Variants in MBOAT2 observed in about 807,000 individuals in gnomAD.
MBOAT2 encodes membrane bound glycerophospholipid O-acyltransferase 2.
A neutral mutation model predicts 63.4 loss-of-function variants in MBOAT2; 28 were observed. The observed-to-expected ratio is 0.44, with a 90% CI of 0.33 to 0.61. The LOEUF (loss-of-function observed/expected upper bound fraction) is 0.61, where lower values mean the gene tolerates loss of function less well. MBOAT2 is among the 20% of genes least tolerant of loss of function. The probability of loss-of-function intolerance (pLI) is 0.03; values close to 1 mark genes in which losing one functional copy is unlikely to be tolerated. For synonymous variants in MBOAT2, 211 were observed against 215.6 expected (o/e 0.98, Z 0.19); for missense variants, 470 against 605.8 (o/e 0.78, Z 2.35).
At chr2:8,940,416 C>T (rs1667969972) in intron 3 of MBOAT2, among the ~76,000 whole-genome samples, 1 of 152,028 alleles carries the variant, frequency 6.6e-6, no homozygotes, top group South Asian at 2.1e-4. Flanking sequence ...CTCAAGCTCC[C>T]GAGTAGCTGG....
intron 6 of MBOAT2, among the ~76,000 whole-genome samples, chr2:8,880,028 G>A (rs1487585615): frequency 6.6e-6 from 1 of 152,056 alleles, no homozygotes; most frequent in African/African-American, 2.4e-5. Flanking sequence ...TAATGCTGTG[G>A]TCAGGGGTTT....
intron 1 of MBOAT2, among the ~76,000 whole-genome samples, chr2:8,999,108 C>G (rs1672511441): frequency 6.6e-6 from 1 of 152,166 alleles, no homozygotes; most frequent in South Asian, 2.1e-4. Context: ...CCGTCCAAAC[C>G]TTTCAAAAGA....
intron 8 of MBOAT2, among the ~76,000 whole-genome samples, chr2:8,869,569 T>C (rs924356733): frequency 6.6e-6 from 1 of 152,182 alleles, no homozygotes; most frequent in Non-Finnish European, 1.5e-5. Context: ...CTTAAATTGT[T>C]TTATTGTTTA....
At chr2:8,957,183 C>A (rs1222492164) in intron 2 of MBOAT2, among the ~76,000 whole-genome samples, 1 of 152,124 alleles carries the variant, frequency 6.6e-6, no homozygotes, top group Non-Finnish European at 1.5e-5. Context: ...CATATGAGGG[C>A]TCACTATATT....
chr2:8,862,533 C>G lies in MBOAT2; in HGVS notation c.1185+57G>C. On this transcript the variant is annotated intron_variant, in intron 11 of 12. Transcript: ENST00000305997. This position sits in a 1 kb window ranked among gnomAD's most constrained non-coding sequence, Gnocchi z 4.3. ...TACCTTGTAAGAGAGATGTACTCAG[C>G]CTTTTTAACAGTTCAAGTGGACCAT... is the stretch of plus-strand genomic sequence containing the variant. 6.4e-7 allele frequency: 1 copy of G among 1,564,086 alleles called. No homozygotes were observed. The highest frequency in any genetic ancestry group is 8.7e-7 in the Non-Finnish European group (1 of 1,153,224).
At chr2:8,986,989 T>C (rs1183539710) in intron 1 of MBOAT2, among the ~76,000 whole-genome samples, 3 of 152,188 alleles carry the variant, frequency 2.0e-5, no homozygotes, top group Non-Finnish European at 2.9e-5. Context: ...TCTATGGTTT[T>C]TGTTATGACA....
intron 4 of MBOAT2, among the ~76,000 whole-genome samples, chr2:8,893,894 G>A (rs980854869): frequency 1.6e-4 from 24 of 152,152 alleles, no homozygotes; most frequent in Non-Finnish European, 3.5e-4. Context: ...AGGTGAGAGG[G>A]CACACATCAA....
At chr2:8,916,894 G>A (rs1202601504) in intron 3 of MBOAT2, among the ~76,000 whole-genome samples, 2 of 152,144 alleles carry the variant, frequency 1.3e-5, no homozygotes, top group Non-Finnish European at 2.9e-5. Context: ...TACATTACCT[G>A]ATTTCAAGAC....
chr2:8,869,750 G>T (rs1662177741), intron 8 of MBOAT2, among the ~76,000 whole-genome samples: 1 of 151,106 alleles, frequency 6.6e-6, no homozygotes, highest in African/African-American at 2.4e-5. Context: ...ATATTCAACA[G>T]AATTAAAAAT....
intron 8 of MBOAT2, among the ~76,000 whole-genome samples, chr2:8,869,015 T>G (rs1297641797): frequency 2.0e-5 from 3 of 152,188 alleles, no homozygotes; most frequent in Non-Finnish European, 2.9e-5. Flanking sequence ...TTTTCTTTCT[T>G]GGTTCACCAG....
intron 4 of MBOAT2, among the ~76,000 whole-genome samples, chr2:8,902,848 G>A (rs186737152): frequency 5.8e-4 from 88 of 152,314 alleles, no homozygotes; most frequent in African/African-American, 2.1e-3. Flanking sequence ...CCTTCACAGC[G>A]TGGAAGGGGA....
chr2:8,994,282 C>T (rs192629901), intron 1 of MBOAT2, among the ~76,000 whole-genome samples: 1 of 152,142 alleles, frequency 6.6e-6, no homozygotes, highest in Non-Finnish European at 1.5e-5. Context: ...GAGTAGAATA[C>T]AGTGAAAGCG....
At chr2:8,960,863 C>T (rs1310051683) in intron 1 of MBOAT2, among the ~76,000 whole-genome samples, 1 of 152,150 alleles carries the variant, frequency 6.6e-6, no homozygotes, top group Non-Finnish European at 1.5e-5. Context: ...GTGAGAAGCA[C>T]TCTGTTGGAC....
chr2:8,961,512 C>A (rs1669596450), intron 1 of MBOAT2, among the ~76,000 whole-genome samples: 1 of 152,096 alleles, frequency 6.6e-6, no homozygotes, highest in African/African-American at 2.4e-5. Context: ...ATGCACAGGG[C>A]CATCCACAGG....
chr2:8,865,976 G>A (rs1386769998), intron 9 of MBOAT2, among the ~76,000 whole-genome samples: 2 of 152,176 alleles, frequency 1.3e-5, no homozygotes, highest in Non-Finnish European at 2.9e-5. Context: ...GGCAGAGGTT[G>A]CAGTGAACCG....
intron 8 of MBOAT2, among the ~76,000 whole-genome samples, chr2:8,869,394 T>C (rs1196863875): frequency 6.6e-6 from 1 of 152,150 alleles, no homozygotes; most frequent in Non-Finnish European, 1.5e-5. Flanking sequence ...AATTAGTTAT[T>C]TTTGCTTTAT....
At chr2:8,968,593 G>C (rs945096610) in intron 1 of MBOAT2, among the ~76,000 whole-genome samples, 3 of 152,188 alleles carry the variant, frequency 2.0e-5, no homozygotes, top group African/African-American at 7.2e-5. Flanking sequence ...GCTAAAGGAG[G>C]AAGTTTGAAC....
chr2:8,863,429 A>T (rs1218851901), intron 10 of MBOAT2, among the ~76,000 whole-genome samples: 1 of 152,160 alleles, frequency 6.6e-6, no homozygotes, highest in Non-Finnish European at 1.5e-5. Context: ...GCTCACAGGG[A>T]CGATAAGAGA....
At position 8,943,228 on chromosome 2, in the gene MBOAT2, G is replaced by T; in HGVS notation, c.258C>A (p.Ser86=). 1 of 1,586,346 alleles carries T rather than the reference G, an allele frequency of 6.3e-7. No homozygotes were observed. Among genetic ancestry groups the T allele is most frequent in the Admixed American group, 1.7e-5 (1 of 58,622 alleles). The change falls in exon 3 of 13, where the codon TCC becomes TCA. Residue 86 remains serine, a synonymous_variant. Coordinates refer to ENST00000305997, the MANE Select transcript of MBOAT2 (RefSeq NM_138799.4). ...ALHFLVQSGI[S]YCIMIIIGVE... The stretch of plus-strand genomic sequence containing the variant: ...CTCCTATGATGATCATGATACAGTA[G>T]GAAATTCCACTTTGTACAAGAAAGT...
Sources: gnomAD v4.1 joint callset for allele counts (sites outside exome capture counted in the v4.1 genomes callset) on GRCh38, gnomAD v4.1.1 for gene constraint, Gnocchi (gnomAD v3.1) non-coding constraint, MANE v1.5 for transcripts, NCBI Gene and HGNC (gene_info 2026-07-23, HGNC 2026-07-21) for gene names.